ARMC7: variants seen among roughly 807,000 people sequenced by gnomAD.
The protein encoded by ARMC7 is armadillo repeat containing 7.
A neutral mutation model predicts 14.8 loss-of-function variants in ARMC7; 9 were observed. The observed-to-expected ratio is 0.61, with a 90% CI of 0.37 to 1.06. The LOEUF (loss-of-function observed/expected upper bound fraction) is 1.06. Among genes scored for constraint, ARMC7 ranks in the 50% least tolerant of loss-of-function variants. The pLI is 0.01. For synonymous variants in ARMC7, 125 were observed against 123.4 expected (o/e 1.01, Z -0.09); for missense variants, 262 against 267.1 (o/e 0.98, Z 0.13).
intron 2 of ARMC7, chr17:75,114,968 C>CTG (rs1294796348): frequency 7.9e-6 from 3 of 379,412 alleles, no homozygotes; most frequent in Non-Finnish European, 1.4e-5. Flanking sequence ...GGAGAAGGCT[C>CTG]TGTGCTGCGC....
In ARMC7 at chr17:75,129,047, G is replaced by C. The variant is rs1320956317; in HGVS notation, c.*9G>C. 8 of 1,584,832 alleles carry C rather than the reference G, an allele frequency of 5.0e-6. No homozygotes were observed. The highest frequency in any genetic ancestry group is 6.8e-6 in the Non-Finnish European group (8 of 1,171,124). ...CCCCACGGCAGCGCTGATCCATGGA[G>C]ACTGCGAGACCGTGGCACCCCTACT... is the stretch of plus-strand genomic sequence containing the variant. On this transcript the variant is annotated 3_prime_UTR_variant, in exon 3 of 3. Transcript: ENST00000245543.
At chr17:75,124,965 A>G (rs910529749) in intron 2 of ARMC7, among the ~76,000 whole-genome samples, 2 of 152,208 alleles carry the variant, frequency 1.3e-5, no homozygotes, top group African/African-American at 4.8e-5. Flanking sequence ...AGAATGCCAC[A>G]GCCACGCTAG....
intron 2 of ARMC7, among the ~76,000 whole-genome samples, chr17:75,124,089 G>T (rs2074033554): frequency 6.6e-6 from 1 of 152,206 alleles, no homozygotes; most frequent in African/African-American, 2.4e-5. Context: ...CAAAGCAGCT[G>T]TTGCTGTGGC....
chr17:75,129,288 G>C lies in ARMC7; in HGVS notation c.*250G>C. The C allele has an allele frequency of 3.6e-6, 2 of 562,490 alleles. No homozygotes were observed. Among genetic ancestry groups the C allele is most frequent in the Non-Finnish European group, 6.1e-6 (2 of 325,998 alleles). The allele number at this position is 562,490 out of a possible 1,614,324, so 34.8% of individuals were successfully genotyped here. A position where few individuals can be genotyped will look rare whatever the true frequency, so the allele number is the denominator to read the frequency against. On this transcript the variant is annotated 3_prime_UTR_variant, in exon 3 of 3. Coordinates refer to ENST00000245543, the MANE Select transcript of ARMC7 (RefSeq NM_024585.4). ...GCTGGCACTCTCAATCCTACATCAG[G>C]TGCCACCACCACCAGACTCAGGCCC...
At position 75,130,177 on chromosome 17, in the gene ARMC7, C is replaced by A; in HGVS notation, c.*1139C>A. ...GGGGAGGGAAGGGCTCATCAGCACC[C>A]GCTCAGGGAGCCTGTCCCTTTATGT... On this transcript the variant is annotated 3_prime_UTR_variant, in exon 3 of 3. Transcript: ENST00000245543. The A allele has an allele frequency of 3.1e-6, 1 of 318,286 alleles. No homozygotes were observed. The highest frequency in any genetic ancestry group is 5.9e-6 in the Non-Finnish European group (1 of 168,638). 19.7% of individuals were successfully genotyped at this position (318,286 alleles called of 1,614,324 possible). A position where few individuals can be genotyped will look rare whatever the true frequency, so the allele number is the denominator to read the frequency against.
At position 75,110,181 on chromosome 17, in the gene ARMC7, T is replaced by TC; in HGVS notation, c.-107dup. The TC allele has an allele frequency of 1.8e-6, 2 of 1,109,104 alleles. No individual in the cohort carries two copies. Among genetic ancestry groups the TC allele is most frequent in the Non-Finnish European group, 2.5e-6 (2 of 797,156 alleles). 68.7% of individuals were successfully genotyped at this position (1,109,104 alleles called of 1,614,324 possible). On this transcript the variant is annotated 5_prime_UTR_variant, in exon 1 of 3. Transcript: ENST00000245543. ...GAAAGAAACCCATTTGCCGACCCCC[T>TC]CTTCCCTCTCCAGACAGGTGGAGAG...
At chr17:75,123,926 T>G (rs1355219873) in intron 2 of ARMC7, among the ~76,000 whole-genome samples, 1 of 152,090 alleles carries the variant, frequency 6.6e-6, no homozygotes, top group African/African-American at 2.4e-5. Context: ...AAAAAAGTAC[T>G]GTATACTGTT....
chr17:75,126,989 G>C (rs998081078), intron 2 of ARMC7, among the ~76,000 whole-genome samples: 14 of 151,346 alleles, frequency 9.3e-5, no homozygotes, highest in African/African-American at 3.2e-4. Context: ...TTGAACCCGG[G>C]AGGCGGAGGT....
chr17:75,128,261 G>A (rs1166821847), intron 2 of ARMC7, among the ~76,000 whole-genome samples: 1 of 151,912 alleles, frequency 6.6e-6, no homozygotes, highest in African/African-American at 2.4e-5. Flanking sequence ...TTTTAGTAGA[G>A]ACAGTTTCAC....
At chr17:75,123,879 C>A (rs2074031872) in intron 2 of ARMC7, among the ~76,000 whole-genome samples, 1 of 152,002 alleles carries the variant, frequency 6.6e-6, no homozygotes, top group Non-Finnish European at 1.5e-5. Context: ...CTACTGCACT[C>A]CAGCGTGGGC....
At chr17:75,113,770 G>A (rs903567795) in intron 2 of ARMC7, among the ~76,000 whole-genome samples, 32 of 152,330 alleles carry the variant, frequency 2.1e-4, no homozygotes, top group African/African-American at 7.5e-4. Context: ...CTCCATGAGG[G>A]GGCTCCAGCA....
rs1345934298 is a variant in ARMC7 at position 75,110,731 on chromosome 17, G to A, written c.235+125G>A. The A allele has an allele frequency of 4.6e-6, 6 of 1,316,476 alleles. No individual in the cohort carries two copies. The Admixed American group carries it at 6.6e-5, about 14-fold the overall frequency. 81.5% of individuals were successfully genotyped at this position (1,316,476 alleles called of 1,614,324 possible). A position where few individuals can be genotyped will look rare whatever the true frequency, so the allele number is the denominator to read the frequency against. The stretch of plus-strand genomic sequence containing the variant: ...TAATCCCAGCAGTTTGGGAAGCTAA[G>A]GCGGGCGGATCACCTGAGGTCATGA... On this transcript the variant is annotated intron_variant, in intron 2 of 2. Coordinates refer to ENST00000245543, the MANE Select transcript of ARMC7 (RefSeq NM_024585.4).
intron 2 of ARMC7, among the ~76,000 whole-genome samples, chr17:75,124,643 A>G (rs1257151708): frequency 1.3e-5 from 2 of 152,034 alleles, no homozygotes; most frequent in Non-Finnish European, 2.9e-5. Flanking sequence ...TGAGCCTGGC[A>G]TCTGCCCAAG....
At chr17:75,128,646 A>G (rs2074071779) in intron 2 of ARMC7, 31 bp from the exon 3 acceptor site, 16 of 1,587,574 alleles carry the variant, frequency 1.0e-5, no homozygotes, top group Non-Finnish European at 1.3e-5. Context: ...CCGGGGCTAC[A>G]GCATCCAGAC....
intron 2 of ARMC7, among the ~76,000 whole-genome samples, chr17:75,125,413 A>C (rs1331454980): frequency 6.6e-6 from 1 of 152,152 alleles, no homozygotes; most frequent in East Asian, 1.9e-4. Flanking sequence ...GGGGGCTGAA[A>C]GGTCTCAGGG....
intron 2 of ARMC7, among the ~76,000 whole-genome samples, chr17:75,112,574 T>TTTC (rs537581058): frequency 8.2e-3 from 136 of 16,544 alleles, no homozygotes; most frequent in Non-Finnish European, 0.026. Context: ...TCTCTTTTTC[T>TTTC]TTTTTTTTTT....
intron 2 of ARMC7, among the ~76,000 whole-genome samples, chr17:75,118,415 A>T (rs1437545453): frequency 6.6e-6 from 1 of 151,914 alleles, no homozygotes; most frequent in Admixed American, 6.6e-5. Flanking sequence ...TGGCAGTGGA[A>T]CTACAGTGGC....
chr17:75,130,104 C>G lies in ARMC7; in HGVS notation c.*1066C>G. 1.1e-5 allele frequency: 2 copies of G among 188,220 alleles called. No individual in the cohort carries two copies. Among genetic ancestry groups the G allele is most frequent in the Non-Finnish European group, 2.2e-5 (2 of 89,262 alleles). 11.7% of individuals were successfully genotyped at this position (188,220 alleles called of 1,614,324 possible). ...ATGGCAGGTGCTACAAAAATGGTAC[C>G]CACGTGGGCATGGAAATGGGGCAGA... On this transcript the variant is annotated 3_prime_UTR_variant, in exon 3 of 3. Coordinates refer to ENST00000245543, the MANE Select transcript of ARMC7 (RefSeq NM_024585.4).
intron 2 of ARMC7, among the ~76,000 whole-genome samples, chr17:75,124,622 C>T (rs2074038034): frequency 2.0e-5 from 3 of 151,826 alleles, no homozygotes; most frequent in Admixed American, 2.0e-4. Context: ...TCCACTGCCC[C>T]TGCTCCAGAC....
Sources: gnomAD v4.1 joint callset for allele counts (sites outside exome capture counted in the v4.1 genomes callset) on GRCh38, gnomAD v4.1.1 for gene constraint, MANE v1.5 for transcripts, NCBI Gene and HGNC (gene_info 2026-07-23, HGNC 2026-07-21) for gene names.